The following OR5H1 variants were observed in gnomAD, a reference collection of about 807,000 sequenced individuals.
OR5H1 encodes olfactory receptor 5H1.
For missense variants in OR5H1, 378 were observed against 366.8 expected (o/e 1.03, Z -0.25); for synonymous variants, 124 against 134.4 (o/e 0.92, Z 0.54).
chr3:98,131,240 C>G (rs1377962106), intron 1 of OR5H1, among the ~76,000 whole-genome samples: 1 of 151,934 alleles, frequency 6.6e-6, no homozygotes, highest in Non-Finnish European at 1.5e-5. Flanking sequence ...TAAGGTGAGT[C>G]ACTTACATAT....
rs1033593914 is a variant in OR5H1, at chr3:98,133,634, T to C, written c.937T>C (p.Tyr313His). 4 of 1,595,516 alleles carry C rather than the reference T, an allele frequency of 2.5e-6. No homozygotes were observed. In the African/African-American group the frequency reaches 5.4e-5, roughly 22 times the overall value. ...KMLKKHVKVS[Y>H] ...GTTAAAAAAACATGTTAAGGTTTCA[T>C]ACTAATATCCTTTCTCTAATTACAA... The change falls in exon 2 of 2, where the codon TAC (tyrosine) becomes CAC (histidine). Residue 313 changes from tyrosine to histidine, a missense_variant. By Grantham distance (83) the Tyr-to-His change is moderately conservative. Transcript: ENST00000641874.
Position 98,133,095 on chromosome 3 carries a change from C to T in OR5H1, c.398C>T (p.Pro133Leu). The T allele has an allele frequency of 6.2e-7, 1 of 1,613,564 alleles. No individual in the cohort carries two copies. The highest frequency in any genetic ancestry group is 8.5e-7 in the Non-Finnish European group (1 of 1,179,680). The part of the protein sequence containing the change: ...YVAICKPLLY[P>L]AIMTNGLCIR... ...GCCATATGCAAACCTTTACTTTATC[C>T]AGCCATTATGACCAATGGACTGTGC... The change falls in exon 2 of 2, where the codon CCA becomes CTA. Residue 133 changes from proline to leucine, a missense_variant. Physicochemically the swap from Pro to Leu is moderately conservative, Grantham distance 98. Coordinates refer to ENST00000641874, the MANE Select transcript of OR5H1 (RefSeq NM_001005338.2).
At position 98,133,433 on chromosome 3, in the gene OR5H1, TTC is replaced by T. The variant is rs753755641; in HGVS notation, c.740_741del (p.Ser247CysfsTer22). ...CTTTTCCACCTGTGGAGCCCATCTC[TTC>T]TCTGTCTCTTTATACTATGGACCCC... ...KAFSTCGAHL[F>X]SVSLYYGPLL... On this transcript the variant is annotated frameshift_variant, in exon 2 of 2. Transcript: ENST00000641874. LOFTEE classifies it low-confidence loss of function (END_TRUNC). 6.2e-7 allele frequency: 1 copy of T among 1,613,492 alleles called. No homozygotes were observed. Among genetic ancestry groups the T allele is most frequent in the African/African-American group, 1.3e-5 (1 of 74,824 alleles).
Position 98,138,248 on chromosome 3 carries a change from A to G in OR5H1, c.*4609A>G, listed in dbSNP as rs1400375567. ...GCACCGGTGGTCAGAGTGAAACAGA[A>G]CAGAACGGGAGGTTTCACAATGTCC... On this transcript the variant is annotated 3_prime_UTR_variant, in exon 2 of 2. Transcript: ENST00000641874. 6.6e-6 allele frequency: 1 copy of G among 152,186 alleles called. No homozygotes were observed. Among genetic ancestry groups the G allele is most frequent in the Middle Eastern group, 3.2e-3 (1 of 316 alleles). The allele number at this position is 152,186 out of a possible 1,614,324, so 9.4% of individuals were successfully genotyped here. A position where few individuals can be genotyped will look rare whatever the true frequency, so the allele number is the denominator to read the frequency against.
chr3:98,133,121 A>T lies in OR5H1; in HGVS notation c.424A>T (p.Ile142Phe), dbSNP rs760492496. The change falls in exon 2 of 2, where the codon ATC (isoleucine) becomes TTC (phenylalanine). Residue 142 changes from isoleucine (I) to phenylalanine (F), a missense_variant. Physicochemically the swap from Ile to Phe is conservative, Grantham distance 21. Coordinates refer to ENST00000641874, the MANE Select transcript of OR5H1 (RefSeq NM_001005338.2). ...AGCCATTATGACCAATGGACTGTGC[A>T]TCCGGCTATTAATCTTGTCATATGT... Reference protein sequence around the residue: ...YPAIMTNGLCIRLLILSYVGG... With the variant: ...YPAIMTNGLCFRLLILSYVGG... 1 of 1,613,518 alleles carries T rather than the reference A, an allele frequency of 6.2e-7. No homozygotes were observed.
Position 98,136,596 on chromosome 3 carries a change from T to G in OR5H1, c.*2957T>G, listed in dbSNP as rs1308805250. The stretch of plus-strand genomic sequence containing the variant: ...TTTTCTGATACCTGCAAATCTCATA[T>G]TAAAATTTGATTCCAAATTCTGGAG... On this transcript the variant is annotated 3_prime_UTR_variant, in exon 2 of 2. Coordinates refer to ENST00000641874, the MANE Select transcript of OR5H1 (RefSeq NM_001005338.2). The G allele has an allele frequency of 6.6e-6, 1 of 152,200 alleles. No individual in the cohort carries two copies. The highest frequency in any genetic ancestry group is 2.4e-5 in the African/African-American group (1 of 41,460). The allele number at this position is 152,200 out of a possible 1,614,324, so 9.4% of individuals were successfully genotyped here. A position where few individuals can be genotyped will look rare whatever the true frequency, so the allele number is the denominator to read the frequency against.
At chr3:98,132,414 C>A (rs1033517796) in intron 1 of OR5H1, among the ~76,000 whole-genome samples, 10 of 152,036 alleles carry the variant, frequency 6.6e-5, no homozygotes, top group Admixed American at 2.6e-4. Context: ...TTTTCTACTG[C>A]ACTCAATAGT....
chr3:98,135,372 C>G lies in OR5H1; in HGVS notation c.*1733C>G, dbSNP rs1172297243. 6.6e-6 allele frequency: 1 copy of G among 152,042 alleles called. No homozygotes were observed. Among genetic ancestry groups the G allele is most frequent in the East Asian group, 1.9e-4 (1 of 5,192 alleles). 9.4% of individuals were successfully genotyped at this position (152,042 alleles called of 1,614,324 possible). The stretch of plus-strand genomic sequence containing the variant: ...GATTCCTGTTTGCTTAGGTACAAAC[C>G]CACTTTGCTGGACCCACGTCAGCCT... On this transcript the variant is annotated 3_prime_UTR_variant, in exon 2 of 2. Transcript: ENST00000641874.
At position 98,133,308 on chromosome 3, in the gene OR5H1, G is replaced by A. The variant is rs1231062667; in HGVS notation, c.611G>A (p.Gly204Asp). 2.5e-6 allele frequency: 4 copies of A among 1,612,790 alleles called. No homozygotes were observed. Among genetic ancestry groups the A allele is most frequent in the Non-Finnish European group, 3.4e-6 (4 of 1,179,466 alleles). ...INFLMVFIFS[G>D]SIQVFSIVTI... Reference sequence around the variant, plus strand: ...TTTCTAATGGTTTTTATTTTCTCAGGTTCAATTCAGGTATTCAGCATTGTG... The same window carrying A: ...TTTCTAATGGTTTTTATTTTCTCAGATTCAATTCAGGTATTCAGCATTGTG... The change falls in exon 2 of 2, where the codon GGT becomes GAT. Residue 204 changes from glycine to aspartate, a missense_variant. Coordinates refer to ENST00000641874, the MANE Select transcript of OR5H1 (RefSeq NM_001005338.2).
intron 1 of OR5H1, among the ~76,000 whole-genome samples, chr3:98,131,509 T>C (rs953766619): frequency 6.6e-6 from 1 of 151,716 alleles, no homozygotes; most frequent in Non-Finnish European, 1.5e-5. Flanking sequence ...TGGCAGTATG[T>C]TACCTCTGAC....
chr3:98,133,535 G>C lies in OR5H1; in HGVS notation c.838G>C (p.Val280Leu), dbSNP rs150453860. Residue 280 changes from valine (V) to leucine (L), a missense_variant, in exon 2 of 2, where the codon GTC becomes CTC. Physicochemically the swap from Val to Leu is conservative, Grantham distance 32. Transcript: ENST00000641874. ...QDMVEPLFYT[V>L]IIPLLNPIIY... ...TATGGTGGAGCCTCTATTCTACACT[G>C]TCATCATTCCTTTGTTAAATCCTAT... 196 of 1,613,116 alleles carry C rather than the reference G, an allele frequency of 1.2e-4. No homozygotes were observed. Among genetic ancestry groups the C allele is most frequent in the Admixed American group, 1.7e-5 (1 of 59,936 alleles).
rs1708335008 is a variant in OR5H1 at position 98,137,622 on chromosome 3, A to T, written c.*3983A>T. The T allele has an allele frequency of 6.6e-6, 1 of 152,220 alleles. No homozygotes were observed. Among genetic ancestry groups the T allele is most frequent in the South Asian group, 2.1e-4 (1 of 4,834 alleles). 9.4% of individuals were successfully genotyped at this position (152,220 alleles called of 1,614,324 possible). A position where few individuals can be genotyped will look rare whatever the true frequency, so the allele number is the denominator to read the frequency against. The stretch of plus-strand genomic sequence containing the variant: ...TGTTGAACACAAATATGAACACAAA[A>T]GTGAACCCAAATATCTTTGTTTCTT... On this transcript the variant is annotated 3_prime_UTR_variant, in exon 2 of 2. Transcript: ENST00000641874.
chr3:98,131,239 T>A (rs1220773543), intron 1 of OR5H1, among the ~76,000 whole-genome samples: 1 of 151,958 alleles, frequency 6.6e-6, no homozygotes, highest in African/African-American at 2.4e-5. Context: ...TTAAGGTGAG[T>A]CACTTACATA....
chr3:98,132,579 G>A (rs1708267718), intron 1 of OR5H1, 101 bp from the exon 2 acceptor site: 16 of 1,296,424 alleles, frequency 1.2e-5, no homozygotes, highest in Non-Finnish European at 1.7e-5. Flanking sequence ...AAAATTGAGA[G>A]GGTTCTGATC....
intron 1 of OR5H1, among the ~76,000 whole-genome samples, chr3:98,131,613 C>G (rs1708255759): frequency 6.6e-6 from 1 of 152,004 alleles, no homozygotes; most frequent in South Asian, 2.1e-4. Flanking sequence ...ATAACTTGCT[C>G]AAGTTGATTT....
chr3:98,134,055 C>T lies in OR5H1; in HGVS notation c.*416C>T, dbSNP rs1708290976. On this transcript the variant is annotated 3_prime_UTR_variant, in exon 2 of 2. Coordinates refer to ENST00000641874, the MANE Select transcript of OR5H1 (RefSeq NM_001005338.2). ...TTTTTGAGTGAACAGAGGTAAGTCC[C>T]AATGATTCTGCTAACCATCAAGGTC... The T allele has an allele frequency of 1.3e-5, 2 of 159,992 alleles. No homozygotes were observed. The highest frequency in any genetic ancestry group is 4.8e-5 in the African/African-American group (2 of 41,428). 9.9% of individuals were successfully genotyped at this position (159,992 alleles called of 1,614,324 possible). A position where few individuals can be genotyped will look rare whatever the true frequency, so the allele number is the denominator to read the frequency against.
At position 98,133,428 on chromosome 3, in the gene OR5H1, A is replaced by C; in HGVS notation, c.731A>C (p.His244Pro). ...VRKAFSTCGAHLFSVSLYYGP... is the reference protein window; with the variant it reads ...VRKAFSTCGAPLFSVSLYYGP... ...AAAGCCTTTTCCACCTGTGGAGCCC[A>C]TCTCTTCTCTGTCTCTTTATACTAT... The change falls in exon 2 of 2, where the codon CAT becomes CCT. Residue 244 changes from histidine (H) to proline (P), a missense_variant. His to Pro is a moderately conservative substitution (Grantham distance 77, BLOSUM62 -2). Transcript: ENST00000641874. 1.2e-6 allele frequency: 2 copies of C among 1,613,566 alleles called. No homozygotes were observed. Among genetic ancestry groups the C allele is most frequent in the South Asian group, 2.2e-5 (2 of 91,062 alleles).
chr3:98,136,126 G>A lies in OR5H1; in HGVS notation c.*2487G>A, dbSNP rs1708315318. 1 of 152,096 alleles carries A rather than the reference G, an allele frequency of 6.6e-6. No individual in the cohort carries two copies. The allele number at this position is 152,096 out of a possible 1,614,324, so 9.4% of individuals were successfully genotyped here. A position where few individuals can be genotyped will look rare whatever the true frequency, so the allele number is the denominator to read the frequency against. ...GGACAGAACTGGAATTTAATTATGG[G>A]TGCGCTATATTTTTCTACTGAAACA... is the stretch of plus-strand genomic sequence containing the variant. On this transcript the variant is annotated 3_prime_UTR_variant, in exon 2 of 2. Transcript: ENST00000641874.
In OR5H1 at chr3:98,136,094, AG is replaced by A; in HGVS notation, c.*2456del. ...TTCTAAGTAGATAATAAAACATCAA[AG>A]ACAATGGACAGAACTGGAATTTAAT... is the stretch of plus-strand genomic sequence containing the variant. On this transcript the variant is annotated 3_prime_UTR_variant, in exon 2 of 2. Coordinates refer to ENST00000641874, the MANE Select transcript of OR5H1 (RefSeq NM_001005338.2). 6.6e-6 allele frequency: 1 copy of A among 152,330 alleles called. No homozygotes were observed. The highest frequency in any genetic ancestry group is 1.9e-4 in the East Asian group (1 of 5,184). The allele number at this position is 152,330 out of a possible 1,614,324, so 9.4% of individuals were successfully genotyped here.
Sources: allele counts gnomAD v4.1 joint callset (sites outside exome capture counted in the v4.1 genomes callset), GRCh38; gene constraint gnomAD v4.1.1; transcripts MANE v1.5; gene names NCBI Gene and HGNC (gene_info 2026-07-23, HGNC 2026-07-21).